The following PRUNE2 variants were observed in gnomAD, a reference collection of about 807,000 sequenced individuals.
PRUNE2 encodes protein prune homolog 2.
Under a neutral mutation model 252.0 loss-of-function variants are expected in PRUNE2, and 164 were observed. The ratio of observed to expected loss-of-function variants is 0.65; its 90% CI spans 0.57 to 0.74. PRUNE2 has a LOEUF of 0.74. Ranked by LOEUF, PRUNE2 falls within the 30% of genes least tolerant of loss-of-function variation. The pLI, the probability that PRUNE2 is intolerant of heterozygous loss-of-function variation, is 0.00. For missense variants in PRUNE2, 3,495 were observed against 3,711.0 expected, an observed-to-expected ratio of 0.94 and a Z score of 1.51; for synonymous variants, 1,292 against 1,350.2, an observed-to-expected ratio of 0.96 and a Z score of 0.94.
chr9:76,826,788 G>A (rs930112483), intron 4 of PRUNE2, 56 bp from the exon 5 acceptor site: 4 of 1,398,988 alleles, frequency 2.9e-6, no homozygotes, highest in African/African-American at 1.5e-5. Flanking sequence ...CAGAACAGGG[G>A]CCAAGAAAAT....
chr9:76,782,705 C>T (rs1371517790), intron 6 of PRUNE2: 3 of 152,076 alleles, frequency 2.0e-5, no homozygotes, highest in African/African-American at 7.2e-5. Context: ...CAATGAACAC[C>T]AAGATAAATA....
intron 6 of PRUNE2, among the ~76,000 whole-genome samples, chr9:76,761,565 G>A (rs1475827263): frequency 1.3e-5 from 2 of 152,132 alleles, no homozygotes. Context: ...AAAGCCCGGG[G>A]TCAAATGATT....
At chr9:76,871,510 T>G (rs1192559966) in intron 1 of PRUNE2, among the ~76,000 whole-genome samples, 1 of 152,248 alleles carries the variant, frequency 6.6e-6, no homozygotes, top group African/African-American at 2.4e-5. Flanking sequence ...TCTAGTGCTT[T>G]GGTAATCCTG....
At chr9:76,781,990 G>GGATCT (rs34988776) in intron 6 of PRUNE2, among the ~76,000 whole-genome samples, 4 of 148,990 alleles carry the variant, frequency 2.7e-5, no homozygotes, top group African/African-American at 1.0e-4. Context: ...CGAAGCAGGT[G>GGATCT]GATCATGAGG....
At chr9:76,827,914 T>C (rs1341986905) in intron 4 of PRUNE2, among the ~76,000 whole-genome samples, 1 of 152,202 alleles carries the variant, frequency 6.6e-6, no homozygotes, top group Non-Finnish European at 1.5e-5. Flanking sequence ...TATTGCTAAA[T>C]ATATTTAAAG....
intron 6 of PRUNE2, among the ~76,000 whole-genome samples, chr9:76,721,173 C>T (rs1404340538): frequency 6.6e-6 from 1 of 152,172 alleles, no homozygotes; most frequent in Admixed American, 6.5e-5. Context: ...TCCTTAATTC[C>T]AAGTTAGACT....
chr9:76,776,825 T>G (rs534065719), intron 6 of PRUNE2, among the ~76,000 whole-genome samples: 44 of 151,636 alleles, frequency 2.9e-4, no homozygotes, highest in African/African-American at 1.0e-3. Flanking sequence ...CAGCAGTTTT[T>G]TTTTTTTTTG....
intron 6 of PRUNE2, among the ~76,000 whole-genome samples, chr9:76,731,487 A>C (rs2048603213): frequency 6.6e-6 from 1 of 151,722 alleles, no homozygotes; most frequent in African/African-American, 2.4e-5. Context: ...ATACCCAGCT[A>C]ATTTTGTTTT....
intron 6 of PRUNE2, among the ~76,000 whole-genome samples, chr9:76,729,459 C>A (rs1436070520): frequency 6.6e-6 from 1 of 152,068 alleles, no homozygotes; most frequent in Non-Finnish European, 1.5e-5. Context: ...CAAAAACAAA[C>A]AACAACAACA....
intron 6 of PRUNE2, among the ~76,000 whole-genome samples, chr9:76,762,922 T>C (rs2051893293): frequency 6.6e-6 from 1 of 152,200 alleles, no homozygotes; most frequent in African/African-American, 2.4e-5. Flanking sequence ...TGATTTACAA[T>C]TTTTTTAAAA....
At chr9:76,836,213 A>G (rs1258273770) in intron 4 of PRUNE2, among the ~76,000 whole-genome samples, 1 of 151,672 alleles carries the variant, frequency 6.6e-6, no homozygotes, top group Admixed American at 6.6e-5. Context: ...TCTCTGGAGA[A>G]ATAAACGAAT....
intron 4 of PRUNE2, among the ~76,000 whole-genome samples, chr9:76,828,768 C>T (rs894491301): frequency 1.3e-5 from 2 of 152,120 alleles, no homozygotes; most frequent in Non-Finnish European, 2.9e-5. Context: ...GTAATCCCAG[C>T]ACTTTGGGAG....
intron 6 of PRUNE2, among the ~76,000 whole-genome samples, chr9:76,767,054 A>G (rs1019496716): frequency 6.6e-6 from 1 of 152,194 alleles, no homozygotes; most frequent in African/African-American, 2.4e-5. Flanking sequence ...GTATTCTGGT[A>G]TAGCGTCTCC....
intron 6 of PRUNE2, among the ~76,000 whole-genome samples, chr9:76,765,912 G>A (rs1052374790): frequency 6.6e-6 from 1 of 152,146 alleles, no homozygotes; most frequent in Non-Finnish European, 1.5e-5. Flanking sequence ...GCCAGACGCG[G>A]TGGCTCACGC....
intron 15 of PRUNE2, among the ~76,000 whole-genome samples, chr9:76,630,955 C>T (rs966326980): frequency 5.3e-5 from 8 of 152,248 alleles, no homozygotes; most frequent in African/African-American, 9.6e-5. Flanking sequence ...TGTCTGCCAT[C>T]TGTATTACCT....
rs563114496 is a variant in PRUNE2, at chr9:76,684,714, C to T, written c.8276+18623G>A. Among the ~76,000 whole-genome samples, 372 of 152,272 alleles carry T rather than the reference C, an allele frequency of 2.4e-3. 2 individuals are homozygous for T. Among genetic ancestry groups the T allele is most frequent in the African/African-American group, 8.7e-3 (362 of 41,538 alleles). ...TGCTCACAAACAGGGAGGCAATCTA[C>T]CCTGGTGGGGGTCAATGGGACTCAC... On this transcript the variant is annotated intron_variant, in intron 9 of 18. Transcript: ENST00000376718.
chr9:76,630,666 A>G (rs1355758812), intron 15 of PRUNE2, among the ~76,000 whole-genome samples: 1 of 152,182 alleles, frequency 6.6e-6, no homozygotes, highest in Non-Finnish European at 1.5e-5. Flanking sequence ...CTGGGACTAC[A>G]GGTGCCTGCC....
At chr9:76,760,753 G>A (rs2051632796) in intron 6 of PRUNE2, among the ~76,000 whole-genome samples, 1 of 152,032 alleles carries the variant, frequency 6.6e-6, no homozygotes, top group African/African-American at 2.4e-5. Flanking sequence ...CTCTCTACAT[G>A]CATCTTAGAT....
chr9:76,898,196 G>A (rs372193905), intron 1 of PRUNE2, among the ~76,000 whole-genome samples: 1 of 152,212 alleles, frequency 6.6e-6, no homozygotes, highest in South Asian at 2.1e-4. Context: ...GTGGGAAGGA[G>A]GACAAAAGTC....
Sources: allele counts gnomAD v4.1 joint callset (sites outside exome capture counted in the v4.1 genomes callset), GRCh38; gene constraint gnomAD v4.1.1; transcripts MANE v1.5; gene names NCBI Gene and HGNC (gene_info 2026-07-23, HGNC 2026-07-21).